Variants in ANKRD17 observed in about 807,000 individuals in gnomAD.
The protein encoded by ANKRD17 is ankyrin repeat domain-containing protein 17.
Under a neutral mutation model 229.7 loss-of-function variants are expected in ANKRD17, and 19 were observed. The observed-to-expected ratio is 0.08, with a 90% CI of 0.06 to 0.12. ANKRD17 has a LOEUF of 0.12. Ranked by LOEUF, ANKRD17 falls within the 10% of genes least tolerant of loss-of-function variation. The pLI is 1.00. For missense variants in ANKRD17, 2,176 were observed against 3,176.8 expected (o/e 0.68, Z 7.57); for synonymous variants, 1,112 against 1,146.1 (o/e 0.97, Z 0.60).
intron 2 of ANKRD17, among the ~76,000 whole-genome samples, chr4:73,170,908 C>CTATGACCT: frequency 6.6e-6 from 1 of 152,210 alleles, no homozygotes; most frequent in Admixed American, 6.5e-5. Context: ...TTCCTGGCTC[C>CTATGACCT]CAGATGGCAT....
chr4:73,156,225 A>G, intron 3 of ANKRD17, 59 bp from the exon 4 acceptor site: 1 of 1,511,842 alleles, frequency 6.6e-7, no homozygotes. Context: ...ATTGCACAGC[A>G]TAAATATTGT....
In ANKRD17 at chr4:73,136,037, T is replaced by C. The variant is rs147209532; in HGVS notation, c.3086-772A>G. ...TAAGTATGATGTTGCTGTGATATTATTTTCACCAAAATATGCAACTTAAGA... is the reference window on the plus strand; with the variant it reads ...TAAGTATGATGTTGCTGTGATATTACTTTCACCAAAATATGCAACTTAAGA... On this transcript the variant is annotated intron_variant, in intron 15 of 33. Transcript: ENST00000358602. Among the ~76,000 whole-genome samples, 428 of 152,286 alleles carry C rather than the reference T, an allele frequency of 2.8e-3. 4 individuals carry two copies. Among genetic ancestry groups the C allele is most frequent in the African/African-American group, 9.7e-3 (402 of 41,560 alleles).
chr4:73,223,740 T>G (rs916724284), intron 1 of ANKRD17, among the ~76,000 whole-genome samples: 9 of 152,148 alleles, frequency 5.9e-5, no homozygotes, highest in African/African-American at 2.2e-4. Context: ...ATGGCCTTTT[T>G]CTCTTACAAT....
At chr4:73,230,971 T>C (rs1409992158) in intron 1 of ANKRD17, among the ~76,000 whole-genome samples, 1 of 152,226 alleles carries the variant, frequency 6.6e-6, no homozygotes, top group African/African-American at 2.4e-5. Context: ...ATTGTACATT[T>C]TCAAATGAAA....
intron 18 of ANKRD17, among the ~76,000 whole-genome samples, chr4:73,123,214 T>C (rs1726989201): frequency 6.6e-6 from 1 of 152,086 alleles, no homozygotes; most frequent in African/African-American, 2.4e-5. Flanking sequence ...AATCTGTTCT[T>C]ATATAAAGCA....
rs1193390217 is a variant in ANKRD17 at position 73,250,530 on chromosome 4, G to A, written c.393+7746C>T. Among the ~76,000 whole-genome samples, 5 of 138,014 alleles carry A rather than the reference G, an allele frequency of 3.6e-5. No individual in the cohort carries two copies. The East Asian group carries it at 6.9e-4, about 19-fold the overall frequency. The allele number at this position is 138,014 out of a possible 152,430, so 90.5% of individuals were successfully genotyped here. ...GATGAGAATTGCTTGAACCCGGGAG[G>A]TGGAGGTTGCAGTGAGCCGAGAGCA... On this transcript the variant is annotated intron_variant, in intron 1 of 33. Coordinates refer to ENST00000358602, the MANE Select transcript of ANKRD17 (RefSeq NM_032217.5).
chr4:73,239,838 T>C (rs1303771280), intron 1 of ANKRD17, among the ~76,000 whole-genome samples: 1 of 152,180 alleles, frequency 6.6e-6, no homozygotes, highest in Non-Finnish European at 1.5e-5. Flanking sequence ...GTGAAAACTT[T>C]AGACAAGTTT....
intron 1 of ANKRD17, among the ~76,000 whole-genome samples, chr4:73,231,812 C>A (rs997157940): frequency 6.6e-6 from 1 of 152,116 alleles, no homozygotes; most frequent in African/African-American, 2.4e-5. Context: ...AAAGTGAAAT[C>A]GATCCCCAAC....
intron 26 of ANKRD17, 33 bp from the exon 27 acceptor site, chr4:73,097,305 T>C (rs1553912939): frequency 1.3e-6 from 2 of 1,511,532 alleles, no homozygotes; most frequent in South Asian, 1.3e-5. Context: ...ACATTAAATA[T>C]GGAACAGATG....
chr4:73,250,148 T>A (rs1253447892), intron 1 of ANKRD17, among the ~76,000 whole-genome samples: 3 of 152,212 alleles, frequency 2.0e-5, no homozygotes, highest in South Asian at 2.1e-4. Context: ...AAAAGCATGC[T>A]GTATTTCAGA....
intron 16 of ANKRD17, among the ~76,000 whole-genome samples, chr4:73,128,033 A>G (rs1007615946): frequency 6.6e-6 from 1 of 152,206 alleles, no homozygotes; most frequent in Non-Finnish European, 1.5e-5. Context: ...GCCACAAGGG[A>G]GAGATGCACC....
At chr4:73,237,522 G>GT (rs1207713954) in intron 1 of ANKRD17, among the ~76,000 whole-genome samples, 1 of 152,178 alleles carries the variant, frequency 6.6e-6, no homozygotes, top group African/African-American at 2.4e-5. Flanking sequence ...ATCTTGGACT[G>GT]TGAGGTGGGG....
intron 1 of ANKRD17, among the ~76,000 whole-genome samples, chr4:73,184,673 C>G (rs1736056380): frequency 6.6e-6 from 1 of 150,440 alleles, no homozygotes. Context: ...ATTATACAAA[C>G]ACAAAAATAA....
chr4:73,173,089 C>T (rs1412565302), intron 2 of ANKRD17, among the ~76,000 whole-genome samples: 2 of 152,068 alleles, frequency 1.3e-5, no homozygotes, highest in African/African-American at 4.8e-5. Context: ...TAAAGATGCA[C>T]ACAGAGTGAA....
chr4:73,184,809 T>C (rs1736077621), intron 1 of ANKRD17, among the ~76,000 whole-genome samples: 1 of 152,062 alleles, frequency 6.6e-6, no homozygotes, highest in South Asian at 2.1e-4. Flanking sequence ...TGCAGAGAAA[T>C]GAGAAAACAA....
At chr4:73,256,981 G>T (rs1045770125) in intron 1 of ANKRD17, among the ~76,000 whole-genome samples, 1 of 152,178 alleles carries the variant, frequency 6.6e-6, no homozygotes, top group Non-Finnish European at 1.5e-5. Flanking sequence ...CCTTTAAAAG[G>T]TACTTCTCTA....
At position 73,172,387 on chromosome 4, in the gene ANKRD17, T is replaced by C. The variant is rs1355168559; in HGVS notation, c.547+4993A>G. On this transcript the variant is annotated intron_variant, in intron 2 of 33. Coordinates refer to ENST00000358602, the MANE Select transcript of ANKRD17 (RefSeq NM_032217.5). Reference sequence around the variant, plus strand: ...AGACAAAAGCTGAGAGATTTCATCATCGCCACTTCTGTCCTACAAGAAACA... The same window carrying C: ...AGACAAAAGCTGAGAGATTTCATCACCGCCACTTCTGTCCTACAAGAAACA... 6.6e-5 allele frequency among the ~76,000 whole-genome samples: 10 copies of C among 152,182 alleles called. 1 individual carries two copies. Among genetic ancestry groups the C allele is most frequent in the African/African-American group, 1.4e-4 (6 of 41,438 alleles).
At chr4:73,148,786 CT>C in intron 8 of ANKRD17, 26 bp downstream of exon 8, 1 of 1,582,734 alleles carries the variant, frequency 6.3e-7, no homozygotes, top group Non-Finnish European at 8.7e-7. Context: ...CACATTTATA[CT>C]TTAGTGTCTT....
At chr4:73,184,248 T>C (rs1347932539) in intron 1 of ANKRD17, among the ~76,000 whole-genome samples, 1 of 152,166 alleles carries the variant, frequency 6.6e-6, no homozygotes, top group Non-Finnish European at 1.5e-5. Flanking sequence ...TAGTATATTT[T>C]GGCCGGGTGC....
Sources: gnomAD v4.1 joint callset for allele counts (sites outside exome capture counted in the v4.1 genomes callset) on GRCh38, gnomAD v4.1.1 for gene constraint, MANE v1.5 for transcripts, NCBI Gene and HGNC (gene_info 2026-07-23, HGNC 2026-07-21) for gene names.